The following POLN variants were observed in gnomAD, a reference collection of about 807,000 sequenced individuals.
POLN encodes DNA polymerase nu.
In POLN, 108 loss-of-function variants were observed where a neutral mutation model predicts 113.5. That is an observed-to-expected ratio of 0.95 (90% confidence interval 0.81 to 1.12). The LOEUF (loss-of-function observed/expected upper bound fraction) is 1.12. POLN is among the 50% of genes most tolerant of loss of function. The pLI is 0.00. For missense variants in POLN, 1,097 were observed against 1,077.1 expected (o/e 1.02, Z -0.26); for synonymous variants, 386 against 391.5 (o/e 0.99, Z 0.17).
chr4:2,120,597 G>T (rs1286584772), intron 19 of POLN, among the ~76,000 whole-genome samples: 1 of 151,950 alleles, frequency 6.6e-6, no homozygotes, highest in Non-Finnish European at 1.5e-5. Flanking sequence ...GGGTTCAAGT[G>T]ATTCTCCTGT....
At chr4:2,223,785 T>TA (rs1326315461) in intron 3 of POLN, among the ~76,000 whole-genome samples, 1 of 152,126 alleles carries the variant, frequency 6.6e-6, no homozygotes, top group African/African-American at 2.4e-5. Flanking sequence ...TATAAAAGAT[T>TA]AAAAAATGGT....
intron 4 of POLN, among the ~76,000 whole-genome samples, chr4:2,209,680 G>A (rs1430014336): frequency 9.6e-5 from 2 of 20,790 alleles, no homozygotes; most frequent in African/African-American, 5.0e-4. Flanking sequence ...TTTTTTTTTT[G>A]AGACAGGGTC....
At chr4:2,091,021 C>T (rs1461162727) in intron 20 of POLN, among the ~76,000 whole-genome samples, 1 of 152,216 alleles carries the variant, frequency 6.6e-6, no homozygotes, top group Non-Finnish European at 1.5e-5. Flanking sequence ...CCCACAGCAT[C>T]AACTGAGGTT....
intron 21 of POLN, among the ~76,000 whole-genome samples, chr4:2,084,389 T>C (rs1730501082): frequency 1.3e-5 from 2 of 152,244 alleles, no homozygotes; most frequent in Admixed American, 1.3e-4. Flanking sequence ...TTGGGGCCTC[T>C]GCTGCGGCTC....
chr4:2,150,981 ATTAAAAC>A (rs959723881), intron 16 of POLN, among the ~76,000 whole-genome samples: 19 of 152,372 alleles, frequency 1.2e-4, no homozygotes, highest in African/African-American at 4.1e-4. Context: ...ATCAGAATTC[ATTAAAAC>A]TTAAAACTTC....
intron 7 of POLN, among the ~76,000 whole-genome samples, chr4:2,190,428 T>A (rs766795648): frequency 6.6e-6 from 1 of 150,986 alleles, no homozygotes; most frequent in East Asian, 1.9e-4. Flanking sequence ...ATGAAACATC[T>A]GGAAGAAAAC....
chr4:2,214,396 C>T (rs1446351687), intron 3 of POLN, among the ~76,000 whole-genome samples: 2 of 151,910 alleles, frequency 1.3e-5, no homozygotes, highest in African/African-American at 2.4e-5. Flanking sequence ...TAACTAGCAC[C>T]ACATCAAAAA....
At chr4:2,192,456 C>T (rs1381108505) in intron 7 of POLN, among the ~76,000 whole-genome samples, 1 of 151,978 alleles carries the variant, frequency 6.6e-6, no homozygotes, top group African/African-American at 2.4e-5. Flanking sequence ...TCTCCTGCCT[C>T]AGCCTCTTGA....
intron 16 of POLN, among the ~76,000 whole-genome samples, chr4:2,147,354 C>T (rs904951849): frequency 1.8e-4 from 28 of 152,186 alleles, no homozygotes; most frequent in African/African-American, 6.5e-4. Context: ...TCCTCAACAC[C>T]TTCCCATGAG....
chr4:2,193,737 G>T (rs1733511077), intron 6 of POLN, among the ~76,000 whole-genome samples: 1 of 152,146 alleles, frequency 6.6e-6, no homozygotes, highest in Non-Finnish European at 1.5e-5. Flanking sequence ...GCCACGTCCT[G>T]CTTTGCTCCT....
At chr4:2,133,763 C>T (rs1205821370) in intron 16 of POLN, among the ~76,000 whole-genome samples, 1 of 152,108 alleles carries the variant, frequency 6.6e-6, no homozygotes, top group East Asian at 1.9e-4. Flanking sequence ...AACAACTTTC[C>T]CCAGTGAGGT....
chr4:2,214,921 A>G lies in POLN; in HGVS notation c.134-1795T>C, dbSNP rs918292384. Among the ~76,000 whole-genome samples, 4 of 151,660 alleles carry G rather than the reference A, an allele frequency of 2.6e-5. 1 individual carries two copies. The highest frequency in any genetic ancestry group is 9.7e-5 in the African/African-American group (4 of 41,220). ...CATATATATGTATATACATATACAT[A>G]TATATGTATATACCTCAGCCATATA... On this transcript the variant is annotated intron_variant, in intron 3 of 25. Coordinates refer to ENST00000511885, the MANE Select transcript of POLN (RefSeq NM_181808.4).
intron 19 of POLN, among the ~76,000 whole-genome samples, chr4:2,112,649 T>C (rs1490524466): frequency 1.3e-5 from 2 of 152,212 alleles, no homozygotes; most frequent in East Asian, 3.8e-4. Context: ...TCATCATCAC[T>C]GGCCATCAGA....
At chr4:2,101,050 G>A (rs772867720) in intron 19 of POLN, among the ~76,000 whole-genome samples, 15 of 152,114 alleles carry the variant, frequency 9.9e-5, no homozygotes, top group Non-Finnish European at 1.8e-4. Flanking sequence ...GCATTGACCT[G>A]GGACAACTGG....
chr4:2,156,868 A>C lies in POLN; in HGVS notation c.1666-15T>G. On this transcript the variant is annotated splice_polypyrimidine_tract_variant and intron_variant, in intron 15 of 25. Coordinates refer to ENST00000511885, the MANE Select transcript of POLN (RefSeq NM_181808.4). ...GAAATGGAGCCCTTTATTAGTTAAA[A>C]AGAATCAGTGTAAACTCCAGCAATG... 6.3e-7 allele frequency: 1 copy of C among 1,599,358 alleles called. No individual in the cohort carries two copies.
chr4:2,103,620 T>C (rs796839706), intron 19 of POLN, among the ~76,000 whole-genome samples: 18 of 152,092 alleles, frequency 1.2e-4, no homozygotes, highest in African/African-American at 4.1e-4. Flanking sequence ...CCCGGGAAAA[T>C]ACAATGTGAA....
At chr4:2,234,653 T>C (rs1734694529) in intron 2 of POLN, among the ~76,000 whole-genome samples, 1 of 152,120 alleles carries the variant, frequency 6.6e-6, no homozygotes, top group Non-Finnish European at 1.5e-5. Flanking sequence ...AAGAAAACTA[T>C]ATGCCTTACA....
intron 22 of POLN, 184 bp from the exon 23 acceptor site, chr4:2,081,220 T>C (rs776202874): frequency 6.5e-7 from 1 of 1,544,356 alleles, no homozygotes; most frequent in Non-Finnish European, 8.7e-7. Flanking sequence ...TCCCGCCCTC[T>C]TGCTCCTGCA....
chr4:2,114,230 T>C (rs1731266020), intron 19 of POLN, among the ~76,000 whole-genome samples: 1 of 151,932 alleles, frequency 6.6e-6, no homozygotes, highest in Non-Finnish European at 1.5e-5. Flanking sequence ...TTCAGAACTA[T>C]ATATAAACTA....
Sources: gnomAD v4.1 joint callset for allele counts (sites outside exome capture counted in the v4.1 genomes callset) on GRCh38, gnomAD v4.1.1 for gene constraint, MANE v1.5 for transcripts, NCBI Gene and HGNC (gene_info 2026-07-23, HGNC 2026-07-21) for gene names.